The following HORMAD2 variants were observed in gnomAD, a reference collection of about 807,000 sequenced individuals.
The protein encoded by HORMAD2 is HORMA domain containing 2, also known as HORMA domain-containing protein 2.
HORMAD2 carries 45 observed loss-of-function variants against 38.8 expected under a neutral mutation model. The ratio of observed to expected loss-of-function variants is 1.16; its 90% confidence interval spans 0.91 to 1.49. The LOEUF (loss-of-function observed/expected upper bound fraction) is 1.49. Among genes scored for constraint, HORMAD2 ranks in the 40% most tolerant of loss-of-function variants. The pLI, the probability that HORMAD2 is intolerant of heterozygous loss-of-function variation, is 0.00. For synonymous variants in HORMAD2, 126 were observed against 122.8 expected (o/e 1.03, Z -0.17); for missense variants, 338 against 367.0 (o/e 0.92, Z 0.65).
At chr22:30,084,989 C>T (rs777129248) in intron 1 of HORMAD2, among the ~76,000 whole-genome samples, 7 of 151,620 alleles carry the variant, frequency 4.6e-5, no homozygotes, top group Non-Finnish European at 7.4e-5. Context: ...ACTAAAAATA[C>T]GAAAAAATTA....
chr22:30,128,569 A>T (rs181702474), intron 10 of HORMAD2, among the ~76,000 whole-genome samples: 56 of 152,304 alleles, frequency 3.7e-4, no homozygotes, highest in Non-Finnish European at 5.4e-4. Context: ...CATTTAAAAA[A>T]TTTTTCTACG....
At chr22:30,140,876 A>G (rs1003891410) in intron 10 of HORMAD2, among the ~76,000 whole-genome samples, 5 of 151,974 alleles carry the variant, frequency 3.3e-5, no homozygotes, top group African/African-American at 1.2e-4. Context: ...GTTATTTGAG[A>G]TCTCCTTTCT....
chr22:30,189,278 A>G, the HORMAD2 span, among the ~76,000 whole-genome samples: 1 of 151,848 alleles, frequency 6.6e-6, no homozygotes, highest in Non-Finnish European at 1.5e-5. Flanking sequence ...CCAACAGCCT[A>G]TTAGCTGTTG....
intron 10 of HORMAD2, among the ~76,000 whole-genome samples, chr22:30,135,477 A>G (rs1299791499): frequency 6.6e-6 from 1 of 152,002 alleles, no homozygotes; most frequent in Non-Finnish European, 1.5e-5. Context: ...GGCAGTTGGA[A>G]ACAGAATATC....
At chr22:30,140,205 C>T (rs1014415462) in intron 10 of HORMAD2, among the ~76,000 whole-genome samples, 4 of 151,766 alleles carry the variant, frequency 2.6e-5, no homozygotes, top group African/African-American at 4.8e-5. Flanking sequence ...CAGAGGTTGC[C>T]GTGAGCTGAG....
chr22:30,104,664 C>G (rs115536343), intron 5 of HORMAD2: 450 of 385,322 alleles, frequency 1.2e-3, no homozygotes, highest in African/African-American at 9.0e-3. Flanking sequence ...ATTTTTTGAC[C>G]ACAGAGTTTC....
At chr22:30,159,977 G>A (rs1925342555) in intron 10 of HORMAD2, among the ~76,000 whole-genome samples, 1 of 152,056 alleles carries the variant, frequency 6.6e-6, no homozygotes, top group South Asian at 2.1e-4. Flanking sequence ...AAGCTTGTCA[G>A]ACATGCTCAG....
chr22:30,128,952 C>T (rs1251352393), intron 10 of HORMAD2, among the ~76,000 whole-genome samples: 2 of 152,072 alleles, frequency 1.3e-5, no homozygotes, highest in Admixed American at 6.6e-5. Flanking sequence ...CGGTGGCTCA[C>T]GCCTGTAACC....
At chr22:30,202,316 A>G in the HORMAD2 span, among the ~76,000 whole-genome samples, 1 of 152,052 alleles carries the variant, frequency 6.6e-6, no homozygotes, top group African/African-American at 2.4e-5. Flanking sequence ...TAGCTAAGGC[A>G]TCATGGTCTT....
At chr22:30,104,547 G>A (rs982853333) in intron 5 of HORMAD2, 110 bp downstream of exon 5, 36 of 801,338 alleles carry the variant, frequency 4.5e-5, no homozygotes, top group Non-Finnish European at 6.1e-5. Context: ...AAGTGTCTAC[G>A]TTTGCATCCA....
chr22:30,181,030 CTCTCT>C (rs1030609240), downstream of HORMAD2, among the ~76,000 whole-genome samples: 12 of 143,458 alleles, frequency 8.4e-5, no homozygotes, highest in Admixed American at 2.1e-4. Context: ...CCCTCCCTCC[CTCTCT>C]TCTCTTCTCT....
intron 3 of HORMAD2, among the ~76,000 whole-genome samples, chr22:30,100,197 A>G (rs565402131): frequency 2.0e-5 from 3 of 152,368 alleles, no homozygotes; most frequent in African/African-American, 7.2e-5. Context: ...CTACAAGGCT[A>G]CAGTAACCAA....
intron 10 of HORMAD2, among the ~76,000 whole-genome samples, chr22:30,156,547 T>G (rs1925089271): frequency 6.6e-6 from 1 of 152,238 alleles, no homozygotes; most frequent in African/African-American, 2.4e-5. Flanking sequence ...TGCTAATGAT[T>G]AATAAGTTCA....
At chr22:30,166,070 A>G (rs758620626) in intron 10 of HORMAD2, among the ~76,000 whole-genome samples, 6 of 150,820 alleles carry the variant, frequency 4.0e-5, no homozygotes, top group African/African-American at 1.2e-4. Context: ...GTTTTCCCAT[A>G]TATTTTCTCT....
intron 4 of HORMAD2, among the ~76,000 whole-genome samples, chr22:30,104,099 T>C (rs117929481): frequency 0.019 from 2,851 of 152,324 alleles, 108 homozygotes; most frequent in Admixed American, 0.098. Flanking sequence ...ATTAAATATA[T>C]ACACCTATTA....
At chr22:30,200,731 G>GTATTATTAC in the HORMAD2 span, among the ~76,000 whole-genome samples, 1 of 141,544 alleles carries the variant, frequency 7.1e-6, no homozygotes, top group South Asian at 2.3e-4. Context: ...CAACAGAAAT[G>GTATTATTAC]TATTATTATT....
the HORMAD2 span, among the ~76,000 whole-genome samples, chr22:30,193,706 C>T: frequency 1.3e-5 from 2 of 152,196 alleles, no homozygotes; most frequent in African/African-American, 2.4e-5. Flanking sequence ...ACTGTGGCTG[C>T]CAATGTCCAT....
chr22:30,105,181 CT>C, intron 5 of HORMAD2: 1 of 162,646 alleles, frequency 6.1e-6, no homozygotes, highest in Non-Finnish European at 1.4e-5. Flanking sequence ...GTGTTCCCAC[CT>C]TTTTCTTGAT....
the HORMAD2 span, among the ~76,000 whole-genome samples, chr22:30,186,263 G>A: frequency 6.6e-6 from 1 of 151,776 alleles, no homozygotes; most frequent in Non-Finnish European, 1.5e-5. Context: ...TTGGCTGAAA[G>A]GAAACAGCAT....
Sources: gnomAD v4.1 joint callset for allele counts (sites outside exome capture counted in the v4.1 genomes callset) on GRCh38, gnomAD v4.1.1 for gene constraint, MANE v1.5 for transcripts, NCBI Gene and HGNC (gene_info 2026-07-23, HGNC 2026-07-21) for gene names.